The following LY6K variants were observed in gnomAD, a reference collection of about 807,000 sequenced individuals.
LY6K encodes the protein lymphocyte antigen 6K.
Under a neutral mutation model 10.4 loss-of-function variants are expected in LY6K, and 9 were observed. The observed-to-expected ratio is 0.87, with a 90% CI of 0.52 to 1.52. The LOEUF is 1.52. Among genes scored for constraint, LY6K ranks in the 40% most tolerant of loss-of-function variants. The probability of loss-of-function intolerance (pLI) is 0.00; values close to 1 mark genes in which losing one functional copy is unlikely to be tolerated. For missense variants in LY6K, 217 were observed against 211.7 expected, an observed-to-expected ratio of 1.02 and a Z score of -0.15; for synonymous variants, 98 against 83.7, an observed-to-expected ratio of 1.17 and a Z score of -0.94.
chr8:142,700,547 T>C lies in LY6K; in HGVS notation c.20T>C (p.Leu7Pro), dbSNP rs1554639942. MALLAL[L>P]LVVALPRVWT... ...GGGACGATGGCGCTGCTCGCCTTGC[T>C]GCTGGTCGTGGCCCTACCGCGGGTG... The change falls in exon 1 of 3, where the codon CTG (leucine) becomes CCG (proline). Residue 7 changes from leucine to proline, a missense_variant. Transcript: ENST00000292430. The C allele has an allele frequency of 5.0e-6, 8 of 1,586,134 alleles. No homozygotes were observed. The highest frequency in any genetic ancestry group is 2.4e-5 in the East Asian group (1 of 42,174).
At position 142,703,829 on chromosome 8, in the gene LY6K, G is replaced by C. The variant is rs1815134854; in HGVS notation, c.*458G>C. On this transcript the variant is annotated 3_prime_UTR_variant, in exon 3 of 3. Coordinates refer to ENST00000292430, the MANE Select transcript of LY6K (RefSeq NM_017527.4). ...CCTGGAGTGAAGGACTCCTCAGCATGGGGGGCAGTGGGGCACACGTTAGGG... is the reference window on the plus strand; with the variant it reads ...CCTGGAGTGAAGGACTCCTCAGCATCGGGGGCAGTGGGGCACACGTTAGGG... 1 of 162,458 alleles carries C rather than the reference G, an allele frequency of 6.2e-6. No individual in the cohort carries two copies. The highest frequency in any genetic ancestry group is 5.8e-5 in the Admixed American group (1 of 17,354). 10.1% of individuals were successfully genotyped at this position (162,458 alleles called of 1,614,324 possible).
chr8:142,702,483 G>C (rs782775041), intron 2 of LY6K: 90 of 1,535,310 alleles, frequency 5.9e-5, no homozygotes, highest in Middle Eastern at 3.3e-4. Flanking sequence ...TGGACACCCA[G>C]CACATTCTGC....
At chr8:142,702,743 GTGA>G (rs1815089482) in intron 2 of LY6K, 1 of 1,486,674 alleles carries the variant, frequency 6.7e-7, no homozygotes, top group Admixed American at 2.1e-5. Context: ...CACACCCTGG[GTGA>G]TGGCCAGAAT....
rs782127677 is a variant in LY6K at position 142,703,399 on chromosome 8, TC to T, written c.*30del. The T allele has an allele frequency of 2.5e-6, 4 of 1,590,996 alleles. No homozygotes were observed. In the South Asian group the frequency reaches 4.5e-5, roughly 18 times the overall value. On this transcript the variant is annotated 3_prime_UTR_variant, in exon 3 of 3. Transcript: ENST00000292430. ...CACGGGACTGCCACAGACTGAGCCT[TC>T]CGGAGCATGGACTCGCTCCAGACCG...
chr8:142,703,297 G>C lies in LY6K; in HGVS notation c.424G>C (p.Glu142Gln). The C allele has an allele frequency of 6.2e-7, 1 of 1,613,924 alleles. No homozygotes were observed. Among genetic ancestry groups the C allele is most frequent in the Non-Finnish European group, 8.5e-7 (1 of 1,180,040 alleles). Residue 142 changes from glutamate to glutamine, a missense_variant, in exon 3 of 3, where the codon GAG becomes CAG. Physicochemically the swap from Glu to Gln is conservative, Grantham distance 29 (BLOSUM62 2). Coordinates refer to ENST00000292430, the MANE Select transcript of LY6K (RefSeq NM_017527.4). ...VFKEYAGSMGESCGGLWLAIL... is the reference protein window; with the variant it reads ...VFKEYAGSMGQSCGGLWLAIL... Reference sequence around the variant, plus strand: ...CAAAGAATATGCTGGGAGCATGGGTGAGAGCTGTGGTGGGCTGTGGCTGGC... The same window carrying C: ...CAAAGAATATGCTGGGAGCATGGGTCAGAGCTGTGGTGGGCTGTGGCTGGC...
At chr8:142,702,699 CAG>C (rs1346749292) in intron 2 of LY6K, 11 of 1,504,524 alleles carry the variant, frequency 7.3e-6, no homozygotes, top group South Asian at 1.2e-5. Context: ...ACCCCCAGCT[CAG>C]AGTCGAGCCA....
At chr8:142,701,294 AAG>A (rs1317198034) in intron 1 of LY6K, among the ~76,000 whole-genome samples, 1 of 152,202 alleles carries the variant, frequency 6.6e-6, no homozygotes, top group African/African-American at 2.4e-5. Flanking sequence ...ATTTATAAAG[AAG>A]AGAGGTGGAA....
In LY6K at chr8:142,700,330, C is replaced by A. The variant is rs782186109; in HGVS notation, c.-198C>A. The stretch of plus-strand genomic sequence containing the variant: ...GGGACTCAGAACCGGCGTTCAGGGC[C>A]GCCAGCGGCCGCGAGGCCCTGAGAT... On this transcript the variant is annotated 5_prime_UTR_variant, in exon 1 of 3. Coordinates refer to ENST00000292430, the MANE Select transcript of LY6K (RefSeq NM_017527.4). 4 of 1,305,606 alleles carry A rather than the reference C, an allele frequency of 3.1e-6. No individual in the cohort carries two copies. The highest frequency in any genetic ancestry group is 4.2e-5 in the Admixed American group (1 of 24,004). The allele number at this position is 1,305,606 out of a possible 1,614,324, so 80.9% of individuals were successfully genotyped here.
chr8:142,702,803 C>T (rs139948815), intron 2 of LY6K: 129 of 1,495,680 alleles, frequency 8.6e-5, no homozygotes, highest in Non-Finnish European at 8.1e-5. Context: ...CCTGAGCCAA[C>T]CCTGTGTTTG....
intron 2 of LY6K, chr8:142,702,848 C>G: frequency 3.3e-6 from 5 of 1,533,010 alleles, no homozygotes; most frequent in Middle Eastern, 1.7e-4. Context: ...AAACAGCAAC[C>G]CCTAGACCCG....
At position 142,704,860 on chromosome 8, in the gene LY6K, A is replaced by T. The variant is rs1815155722; in HGVS notation, c.*1489A>T. On this transcript the variant is annotated 3_prime_UTR_variant, in exon 3 of 3. Transcript: ENST00000292430. Reference sequence around the variant, plus strand: ...AATGGCCATAGAACGCTTTTCTCTTATCTGCAGCTGAGCTGGGAGAAAGTT... The same window carrying T: ...AATGGCCATAGAACGCTTTTCTCTTTTCTGCAGCTGAGCTGGGAGAAAGTT... 6.6e-6 allele frequency: 1 copy of T among 152,184 alleles called. No individual in the cohort carries two copies. Among genetic ancestry groups the T allele is most frequent in the Non-Finnish European group, 1.5e-5 (1 of 68,030 alleles). 9.4% of individuals were successfully genotyped at this position (152,184 alleles called of 1,614,324 possible).
At position 142,700,367 on chromosome 8, in the gene LY6K, G is replaced by A. The variant is rs1393640043; in HGVS notation, c.-161G>A. 2.2e-6 allele frequency: 3 copies of A among 1,334,296 alleles called. No homozygotes were observed. Among genetic ancestry groups the A allele is most frequent in the African/African-American group, 1.5e-5 (1 of 64,710 alleles). The allele number at this position is 1,334,296 out of a possible 1,614,324, so 82.7% of individuals were successfully genotyped here. Reference sequence around the variant, plus strand: ...CGAGGCCCTGAGATGAGGCTCCAAAGACCCCGACAGGCCCCGGCGGGTGGG... The same window carrying A: ...CGAGGCCCTGAGATGAGGCTCCAAAAACCCCGACAGGCCCCGGCGGGTGGG... On this transcript the variant is annotated 5_prime_UTR_variant, in exon 1 of 3. Coordinates refer to ENST00000292430, the MANE Select transcript of LY6K (RefSeq NM_017527.4).
At chr8:142,700,849 C>T (rs1193757722) in intron 1 of LY6K, among the ~76,000 whole-genome samples, 1 of 152,104 alleles carries the variant, frequency 6.6e-6, no homozygotes, top group Non-Finnish European at 1.5e-5. Context: ...TGCCCCGCTC[C>T]GGCCGCGCTT....
rs781903921 is a variant in LY6K, at chr8:142,704,076, C to T, written c.*705C>T. ...ATCAGGGTAAATGGCGTTCATTTCTCTGTTAAGATGCAGCCATCCATGGGG... is the reference window on the plus strand; with the variant it reads ...ATCAGGGTAAATGGCGTTCATTTCTTTGTTAAGATGCAGCCATCCATGGGG... On this transcript the variant is annotated 3_prime_UTR_variant, in exon 3 of 3. Transcript: ENST00000292430. 2 of 152,212 alleles carry T rather than the reference C, an allele frequency of 1.3e-5. No homozygotes were observed. The highest frequency in any genetic ancestry group is 2.9e-5 in the Non-Finnish European group (2 of 68,036). 9.4% of individuals were successfully genotyped at this position (152,212 alleles called of 1,614,324 possible).
chr8:142,702,769 T>C (rs1815090091), intron 2 of LY6K: 6 of 1,482,378 alleles, frequency 4.0e-6, no homozygotes, highest in Admixed American at 2.2e-5. Context: ...CTGGGAGTCA[T>C]GTGTCTGTCT....
At chr8:142,701,276 G>T (rs1190286399) in intron 1 of LY6K, among the ~76,000 whole-genome samples, 13 of 152,354 alleles carry the variant, frequency 8.5e-5, no homozygotes, top group African/African-American at 3.1e-4. Flanking sequence ...AAGTCCGGGG[G>T]CTGGGCAATT....
intron 2 of LY6K, chr8:142,702,678 C>T (rs899706923): frequency 1.3e-6 from 2 of 1,514,348 alleles, no homozygotes; most frequent in Admixed American, 2.0e-5. Flanking sequence ...GAAGTGTGGT[C>T]ATGAGACAAG....
In LY6K at chr8:142,701,615, G is replaced by T. The variant is rs868995047; in HGVS notation, c.119G>T (p.Arg40Ile). 15 of 1,610,964 alleles carry T rather than the reference G, an allele frequency of 9.3e-6. No individual in the cohort carries two copies. The highest frequency in any genetic ancestry group is 1.3e-5 in the African/African-American group (1 of 74,864). ...DSQRTDEGDN[R>I]VWCHVCEREN... ...CTCCTTTCAGACGAGGGTGACAATA[G>T]AGTGTGGTGTCATGTTTGTGAGAGA... Residue 40 changes from arginine to isoleucine, a missense_variant, in exon 2 of 3, where the codon AGA (arginine) becomes ATA (isoleucine). By Grantham distance (97) the Arg-to-Ile change is moderately conservative. Transcript: ENST00000292430.
At chr8:142,702,839 A>G (rs1554640361) in intron 2 of LY6K, 1 of 1,516,634 alleles carries the variant, frequency 6.6e-7, no homozygotes, top group Non-Finnish European at 8.9e-7. Context: ...TTTGTTCCCA[A>G]ACAGCAACCC....
Sources: allele counts gnomAD v4.1 joint callset (sites outside exome capture counted in the v4.1 genomes callset), GRCh38; gene constraint gnomAD v4.1.1; transcripts MANE v1.5; gene names NCBI Gene and HGNC (gene_info 2026-07-23, HGNC 2026-07-21).